The following FGF13 variants were observed in gnomAD, a reference collection of about 807,000 sequenced individuals.
The protein encoded by FGF13 is fibroblast growth factor 13, also known as fibroblast growth factor homologous factor 2.
FGF13 carries 2 observed loss-of-function variants against 19.5 expected under a neutral mutation model. The observed-to-expected ratio is 0.10, with a 90% CI of 0.04 to 0.32. The LOEUF is 0.32. Ranked by LOEUF, FGF13 falls within the 10% of genes least tolerant of loss-of-function variation. FGF13 has a pLI of 1.00. For synonymous variants in FGF13, 72 were observed against 76.9 expected (o/e 0.94, Z 0.33); for missense variants, 113 against 192.7 (o/e 0.59, Z 2.45).
chrX:138,973,876 C>T (rs1052740695), intron 1 of FGF13, among the ~76,000 whole-genome samples: 1 of 111,777 alleles, frequency 8.9e-6, no homozygotes, highest in Non-Finnish European at 1.9e-5. Context: ...TCAGTCTACG[C>T]ATGTTCTTAC....
intron 3 of FGF13, among the ~76,000 whole-genome samples, chrX:138,793,750 C>T (rs1175950298): frequency 8.9e-6 from 1 of 111,809 alleles, no homozygotes; most frequent in African/African-American, 3.2e-5. Flanking sequence ...GGTTAGAATT[C>T]TGGTCCTGTC....
intron 1 of FGF13, among the ~76,000 whole-genome samples, chrX:138,871,281 T>G (rs951382777): frequency 8.9e-6 from 1 of 112,143 alleles, no homozygotes; most frequent in African/African-American, 3.2e-5. Flanking sequence ...CCTTCTCATC[T>G]CACTACCTTT....
At chrX:139,185,264 T>C (rs1437327706) in intron 1 of FGF13, among the ~76,000 whole-genome samples, 1 of 112,534 alleles carries the variant, frequency 8.9e-6, no homozygotes, top group African/African-American at 3.2e-5. Flanking sequence ...TAGAAGTTCA[T>C]GTTACTTTGT....
At chrX:139,201,798 C>G (rs748039012) in intron 1 of FGF13, among the ~76,000 whole-genome samples, 60 of 112,159 alleles carry the variant, frequency 5.3e-4, no homozygotes, top group Non-Finnish European at 9.0e-4. Context: ...GAAGAAAATA[C>G]TAATGGCTAC....
chrX:138,964,555 C>T (rs957141540), intron 1 of FGF13, among the ~76,000 whole-genome samples: 1 of 111,771 alleles, frequency 8.9e-6, no homozygotes, highest in African/African-American at 3.3e-5. Context: ...TCTTAGTCGA[C>T]TTGTGCTGCT....
At chrX:138,808,027 A>G (rs1356344313) in intron 3 of FGF13, among the ~76,000 whole-genome samples, 175 of 111,712 alleles carry the variant, frequency 1.6e-3, no homozygotes, top group African/African-American at 5.5e-3. Flanking sequence ...CATTAGACAG[A>G]TCAACGAGAC....
intron 1 of FGF13, among the ~76,000 whole-genome samples, chrX:139,052,416 G>A (rs375309177): frequency 3.7e-4 from 41 of 111,816 alleles, no homozygotes; most frequent in Admixed American, 1.0e-3. Context: ...ATTATTAACT[G>A]GAGAAAAATG....
intron 3 of FGF13, among the ~76,000 whole-genome samples, chrX:138,647,470 T>C (rs1398561084): frequency 2.7e-5 from 3 of 111,459 alleles, no homozygotes; most frequent in East Asian, 2.8e-4. Flanking sequence ...TATCATCTTA[T>C]ATTATGGCTC....
At chrX:138,787,668 C>CT (rs1233097863) in intron 3 of FGF13, among the ~76,000 whole-genome samples, 1 of 111,147 alleles carries the variant, frequency 9.0e-6, no homozygotes, top group Admixed American at 9.6e-5. Flanking sequence ...GTTTTAAGTC[C>CT]TGCATGCATT....
intron 1 of FGF13, among the ~76,000 whole-genome samples, chrX:138,725,175 A>G (rs139242270): frequency 1.4e-3 from 157 of 111,798 alleles, no homozygotes; most frequent in African/African-American, 4.9e-3. Context: ...TCTGGTCTGA[A>G]CAGAGTTTCT....
At position 139,025,161 on chromosome X, in the gene FGF13, C is replaced by A. The variant is rs150584175; in HGVS notation, c.-112-160511G>T. 9.3e-3 allele frequency among the ~76,000 whole-genome samples: 1,038 copies of A among 111,668 alleles called. 10 individuals carry two copies. Among genetic ancestry groups the A allele is most frequent in the African/African-American group, 0.031 (963 of 30,738 alleles). On this transcript the variant is annotated intron_variant, in intron 1 of 2. Coordinates refer to the FGF13 transcript ENST00000421460. The stretch of plus-strand genomic sequence containing the variant: ...GTCCTTCTGCCAAAACCCTAAATCC[C>A]AAACCCTGGTCTAATTTTACAATCC...
At chrX:139,151,221 G>C (rs2083932348) in intron 1 of FGF13, among the ~76,000 whole-genome samples, 1 of 111,342 alleles carries the variant, frequency 9.0e-6, no homozygotes, top group Non-Finnish European at 1.9e-5. Flanking sequence ...TATCATACTA[G>C]TAACACTGAC....
rs1292156434 is a variant in FGF13 at position 138,939,562 on chromosome X, C to T, written c.-112-74912G>A. The stretch of plus-strand genomic sequence containing the variant: ...CTGATAGGTATTTTTTTATCCTCTC[C>T]CTCCTCCCAACCCCCACCCTCAGGT... On this transcript the variant is annotated intron_variant, in intron 1 of 2. Transcript: ENST00000421460. Among the ~76,000 whole-genome samples, 8 of 110,796 alleles carry T rather than the reference C, an allele frequency of 7.2e-5. 1 individual carries two copies. The highest frequency in any genetic ancestry group is 2.3e-4 in the African/African-American group (7 of 30,462).
At chrX:138,890,464 G>A (rs919232696) in intron 1 of FGF13, among the ~76,000 whole-genome samples, 1 of 111,276 alleles carries the variant, frequency 9.0e-6, no homozygotes, top group African/African-American at 3.3e-5. Context: ...AATGGCAACA[G>A]CAATGATACC....
At chrX:139,038,559 C>G (rs1474039385) in intron 1 of FGF13, among the ~76,000 whole-genome samples, 1 of 111,641 alleles carries the variant, frequency 9.0e-6, no homozygotes, top group Non-Finnish European at 1.9e-5. Context: ...CATCAGGCTT[C>G]TTTTAGCTCA....
intron 3 of FGF13, among the ~76,000 whole-genome samples, chrX:138,661,302 T>C (rs1382458228): frequency 1.8e-5 from 2 of 112,248 alleles, no homozygotes; most frequent in Non-Finnish European, 3.8e-5. Flanking sequence ...CTGGTGCTCC[T>C]CTACAATTGA....
At chrX:139,011,062 G>C (rs2092126030) in intron 1 of FGF13, among the ~76,000 whole-genome samples, 1 of 111,063 alleles carries the variant, frequency 9.0e-6, no homozygotes, top group African/African-American at 3.3e-5. Flanking sequence ...AGAGGAGATG[G>C]ATACATTCCT....
intron 3 of FGF13, among the ~76,000 whole-genome samples, chrX:138,832,124 A>G (rs2091078508): frequency 8.9e-6 from 1 of 112,238 alleles, no homozygotes; most frequent in African/African-American, 3.2e-5. Flanking sequence ...ATGAACATAC[A>G]CATGAATGTG....
chrX:139,099,623 T>C (rs1221762166), intron 1 of FGF13, among the ~76,000 whole-genome samples: 5 of 110,100 alleles, frequency 4.5e-5, no homozygotes, highest in African/African-American at 1.7e-4. Context: ...ACCTATGAAT[T>C]GAAAGAAAAG....
Sources: allele counts gnomAD v4.1 joint callset (sites outside exome capture counted in the v4.1 genomes callset), GRCh38; gene constraint gnomAD v4.1.1; transcripts MANE v1.5; gene names NCBI Gene and HGNC (gene_info 2026-07-23, HGNC 2026-07-21).